CDH13: variants seen among roughly 807,000 people sequenced by gnomAD.
CDH13 encodes cadherin 13.
CDH13 carries 24 observed loss-of-function variants against 63.8 expected under a neutral mutation model. That is an observed-to-expected ratio of 0.38 (90% CI 0.27 to 0.53). The LOEUF (loss-of-function observed/expected upper bound fraction) is 0.53, where lower values mean the gene tolerates loss of function less well. Among genes scored for constraint, CDH13 ranks in the 20% least tolerant of loss-of-function variants. The pLI, the probability that CDH13 is intolerant of heterozygous loss-of-function variation, is 0.85. For synonymous variants in CDH13, 503 were observed against 355.3 expected, an observed-to-expected ratio of 1.42 and a Z score of -4.67; for missense variants, 1,049 against 903.1, an observed-to-expected ratio of 1.16 and a Z score of -2.07.
intron 2 of CDH13, among the ~76,000 whole-genome samples, chr16:82,994,155 T>TTAATG (rs1409799673): frequency 2.0e-5 from 3 of 152,114 alleles, no homozygotes; most frequent in Non-Finnish European, 2.9e-5. Flanking sequence ...CCCAAACATT[T>TTAATG]TAATGTGCTG....
chr16:83,351,077 C>T (rs2090942184), intron 6 of CDH13, among the ~76,000 whole-genome samples: 2 of 152,172 alleles, frequency 1.3e-5, no homozygotes, highest in Non-Finnish European at 2.9e-5. Context: ...CGATGGTGTT[C>T]AGGTTGTTGC....
chr16:83,465,316 C>G (rs1311973007), intron 6 of CDH13, among the ~76,000 whole-genome samples: 1 of 152,170 alleles, frequency 6.6e-6, no homozygotes, highest in Non-Finnish European at 1.5e-5. Flanking sequence ...GAGTGAGCTT[C>G]TAGAATTACA....
At chr16:83,036,935 T>C (rs1383039956) in intron 3 of CDH13, among the ~76,000 whole-genome samples, 2 of 152,054 alleles carry the variant, frequency 1.3e-5, no homozygotes, top group Non-Finnish European at 2.9e-5. Context: ...AAGGGAATGC[T>C]AAATAAAAGC....
intron 7 of CDH13, among the ~76,000 whole-genome samples, chr16:83,541,112 G>A (rs1386145351): frequency 6.6e-6 from 1 of 152,018 alleles, no homozygotes; most frequent in East Asian, 1.9e-4. Context: ...CAGACTCTCA[G>A]CCCAGCTGCC....
chr16:83,296,281 C>T (rs967200684), intron 5 of CDH13, among the ~76,000 whole-genome samples: 2 of 152,140 alleles, frequency 1.3e-5, no homozygotes, highest in Admixed American at 6.5e-5. Context: ...TTTCATTTTA[C>T]AGATGAGAAA....
chr16:83,429,463 G>A (rs1378577667), intron 6 of CDH13, among the ~76,000 whole-genome samples: 2 of 151,886 alleles, frequency 1.3e-5, no homozygotes, highest in South Asian at 4.2e-4. Flanking sequence ...GACTTCCTGT[G>A]ATTATATTTG....
At chr16:83,672,095 C>G (rs769573590) in intron 9 of CDH13, among the ~76,000 whole-genome samples, 1 of 152,234 alleles carries the variant, frequency 6.6e-6, no homozygotes, top group African/African-American at 2.4e-5. Context: ...TGGCTGCCCA[C>G]TCCCTGTGTG....
intron 7 of CDH13, among the ~76,000 whole-genome samples, chr16:83,582,121 G>A (rs1905668726): frequency 6.6e-6 from 1 of 152,254 alleles, no homozygotes; most frequent in Middle Eastern, 3.4e-3. Flanking sequence ...GGTTAGTAGG[G>A]TGTAAGGGAA....
intron 2 of CDH13, among the ~76,000 whole-genome samples, chr16:82,985,324 T>C (rs1184163108): frequency 1.3e-5 from 2 of 152,152 alleles, no homozygotes; most frequent in African/African-American, 4.8e-5. Context: ...GGCTGATTCA[T>C]CCTATTCTGT....
At chr16:82,702,571 T>C (rs1004754552) in intron 1 of CDH13, among the ~76,000 whole-genome samples, 8 of 152,198 alleles carry the variant, frequency 5.3e-5, no homozygotes, top group African/African-American at 1.9e-4. Context: ...AATTTTGGAA[T>C]GTTTTATCAG....
chr16:83,024,993 G>C (rs1361217764), intron 2 of CDH13, among the ~76,000 whole-genome samples: 1 of 152,176 alleles, frequency 6.6e-6, no homozygotes, highest in Non-Finnish European at 1.5e-5. Flanking sequence ...GCAACAGCCT[G>C]AGACTAGCAA....
intron 8 of CDH13, among the ~76,000 whole-genome samples, chr16:83,660,818 T>G (rs929702257): frequency 6.6e-6 from 1 of 152,222 alleles, no homozygotes; most frequent in Admixed American, 6.5e-5. Context: ...AATTATCTTG[T>G]CAGATGAACA....
chr16:82,698,477 C>T (rs1027437922), intron 1 of CDH13, among the ~76,000 whole-genome samples: 20 of 152,216 alleles, frequency 1.3e-4, no homozygotes, highest in Admixed American at 4.6e-4. Context: ...ATGGGCTCAG[C>T]CATCAGTTAG....
chr16:83,431,609 C>A (rs139370756), intron 6 of CDH13, among the ~76,000 whole-genome samples: 2,656 of 152,122 alleles, frequency 0.017, 87 homozygotes, highest in African/African-American at 0.061. Flanking sequence ...TCTGGGGAGG[C>A]CTCAGGAAGC....
At chr16:82,805,363 A>AT in intron 1 of CDH13, among the ~76,000 whole-genome samples, 1 of 152,304 alleles carries the variant, frequency 6.6e-6, no homozygotes, top group African/African-American at 2.4e-5. Context: ...ATGATTAGAA[A>AT]TTTTTTAGCT....
intron 2 of CDH13, among the ~76,000 whole-genome samples, chr16:82,974,296 C>T (rs1029884804): frequency 3.3e-5 from 5 of 152,300 alleles, no homozygotes; most frequent in Admixed American, 2.6e-4. Context: ...GCTGTTATTT[C>T]CATTCACTGT....
intron 1 of CDH13, among the ~76,000 whole-genome samples, chr16:82,679,722 C>T (rs759320024): frequency 6.6e-6 from 1 of 152,188 alleles, no homozygotes; most frequent in African/African-American, 2.4e-5. Context: ...CAACCTCATA[C>T]TGTTTAGATT....
intron 5 of CDH13, among the ~76,000 whole-genome samples, chr16:83,259,058 G>C (rs964219336): frequency 1.1e-4 from 16 of 152,162 alleles, no homozygotes; most frequent in Non-Finnish European, 2.4e-4. Context: ...CTGGGAAGGG[G>C]GAAAATGTGT....
chr16:83,385,631 G>C (rs561017763), intron 6 of CDH13, among the ~76,000 whole-genome samples: 1 of 152,302 alleles, frequency 6.6e-6, no homozygotes, highest in East Asian at 1.9e-4. Context: ...AAGGGATTGA[G>C]GTGACATTCA....
Sources: allele counts gnomAD v4.1 joint callset (sites outside exome capture counted in the v4.1 genomes callset), GRCh38; gene constraint gnomAD v4.1.1; transcripts MANE v1.5; gene names NCBI Gene and HGNC (gene_info 2026-07-23, HGNC 2026-07-21).